The following CADPS2 variants were observed in gnomAD, a reference collection of about 807,000 sequenced individuals.
CADPS2 encodes calcium dependent secretion activator 2, also known as calcium-dependent secretion activator 2.
CADPS2 carries 93 observed loss-of-function variants against 172.5 expected under a neutral mutation model. That is an observed-to-expected ratio of 0.54 (90% CI 0.46 to 0.64). The LOEUF (loss-of-function observed/expected upper bound fraction) is 0.64, where lower values mean the gene tolerates loss of function less well. Ranked by LOEUF, CADPS2 falls within the 30% of genes least tolerant of loss-of-function variation. CADPS2 has a pLI of 0.00. For synonymous variants in CADPS2, 546 were observed against 555.2 expected (o/e 0.98, Z 0.23); for missense variants, 1,420 against 1,565.9 (o/e 0.91, Z 1.57).
chr7:122,499,569 CTT>C (rs2059029390), intron 9 of CADPS2, among the ~76,000 whole-genome samples: 1 of 152,096 alleles, frequency 6.6e-6, no homozygotes, highest in African/African-American at 2.4e-5. Context: ...CAATTTAAAT[CTT>C]TTGATCAATC....
chr7:122,385,578 A>T (rs1325976861), intron 24 of CADPS2, among the ~76,000 whole-genome samples: 1 of 152,076 alleles, frequency 6.6e-6, no homozygotes, highest in Non-Finnish European at 1.5e-5. Flanking sequence ...ACGACAAAAA[A>T]AAAAGTATAC....
chr7:122,348,684 TG>T (rs1345290079), intron 27 of CADPS2, among the ~76,000 whole-genome samples: 2 of 152,178 alleles, frequency 1.3e-5, no homozygotes, highest in Non-Finnish European at 2.9e-5. Flanking sequence ...TCACACCTAG[TG>T]AATACATTTT....
intron 2 of CADPS2, among the ~76,000 whole-genome samples, chr7:122,667,379 C>T (rs2081293705): frequency 1.3e-5 from 2 of 152,084 alleles, no homozygotes; most frequent in African/African-American, 4.8e-5. Flanking sequence ...TAGATTCCAC[C>T]AAGTAACCAA....
chr7:122,814,470 G>C (rs1309896920), intron 1 of CADPS2, among the ~76,000 whole-genome samples: 1 of 151,986 alleles, frequency 6.6e-6, no homozygotes, highest in Non-Finnish European at 1.5e-5. Context: ...TGTCCTGAAA[G>C]CTAAGAATAT....
chr7:122,526,076 T>A (rs2061208412), intron 8 of CADPS2, among the ~76,000 whole-genome samples: 1 of 152,202 alleles, frequency 6.6e-6, no homozygotes, highest in Admixed American at 6.6e-5. Context: ...CTTGCTAAAC[T>A]TTCTCTGATA....
intron 27 of CADPS2, among the ~76,000 whole-genome samples, chr7:122,346,881 T>C (rs576317953): frequency 3.3e-5 from 5 of 151,994 alleles, no homozygotes; most frequent in Admixed American, 1.3e-4. Flanking sequence ...AGCACTTACT[T>C]GTGTCATCTA....
intron 14 of CADPS2, among the ~76,000 whole-genome samples, chr7:122,455,568 T>C (rs538188253): frequency 2.4e-4 from 37 of 152,070 alleles, no homozygotes; most frequent in South Asian, 4.1e-4. Flanking sequence ...TTAATGCATA[T>C]ATGCTGAGGA....
chr7:122,387,034 C>T lies in CADPS2; in HGVS notation c.3304G>A (p.Gly1102Arg). ...QSTKLCALDG[G>R]QEQQYHSKID... ...TGGCACATTCTACATACCTCTTGTC[C>T]TCCATCCAGGGCACAGAGTTTGGTG... Residue 1102 changes from glycine to arginine, a missense_variant, in exon 24 of 30, where the codon GGA becomes AGA. Gly to Arg is a moderately radical substitution (Grantham distance 125). Coordinates refer to ENST00000449022, the MANE Select transcript of CADPS2 (RefSeq NM_017954.11). 6.4e-7 allele frequency: 1 copy of T among 1,556,650 alleles called. No individual in the cohort carries two copies. Among genetic ancestry groups the T allele is most frequent in the Non-Finnish European group, 8.7e-7 (1 of 1,148,778 alleles).
intron 9 of CADPS2, among the ~76,000 whole-genome samples, chr7:122,512,494 T>A (rs1282660347): frequency 1.3e-5 from 2 of 152,236 alleles, no homozygotes; most frequent in African/African-American, 4.8e-5. Flanking sequence ...GTATGTTCTA[T>A]GAGCAAAGTT....
intron 1 of CADPS2, among the ~76,000 whole-genome samples, chr7:122,772,890 T>C (rs531546278): frequency 2.6e-5 from 4 of 152,182 alleles, no homozygotes; most frequent in African/African-American, 9.6e-5. Context: ...AGAAGGACTT[T>C]CCAGGCAAAG....
intron 11 of CADPS2, 111 bp downstream of exon 11, chr7:122,489,970 A>T: frequency 1.1e-6 from 1 of 889,176 alleles, no homozygotes. Context: ...ATTTTCATTT[A>T]ATTAGGAATC....
chr7:122,474,584 T>C, intron 12 of CADPS2, 67 bp from the exon 13 acceptor site: 1 of 1,481,648 alleles, frequency 6.7e-7, no homozygotes, highest in Non-Finnish European at 9.2e-7. Flanking sequence ...ATACAAGTTG[T>C]GAAGAATACA....
intron 12 of CADPS2, among the ~76,000 whole-genome samples, chr7:122,475,094 C>T (rs943173900): frequency 1.3e-5 from 2 of 152,192 alleles, no homozygotes; most frequent in Non-Finnish European, 1.5e-5. Flanking sequence ...CAAAGCTTAA[C>T]GTCCCAAATG....
At chr7:122,332,801 A>C (rs2035204870) in intron 28 of CADPS2, among the ~76,000 whole-genome samples, 1 of 152,162 alleles carries the variant, frequency 6.6e-6, no homozygotes, top group Admixed American at 6.5e-5. Context: ...CTTTCAAAAT[A>C]CCCTTCATTC....
intron 3 of CADPS2, among the ~76,000 whole-genome samples, chr7:122,656,616 T>A (rs1197242297): frequency 1.3e-5 from 2 of 152,076 alleles, no homozygotes; most frequent in East Asian, 3.9e-4. Flanking sequence ...ACACTCCATC[T>A]CTCCAACACT....
chr7:122,780,418 A>G (rs1792379513), intron 1 of CADPS2, among the ~76,000 whole-genome samples: 1 of 152,204 alleles, frequency 6.6e-6, no homozygotes. Context: ...ATAATTTTTA[A>G]TCACAGCTAC....
At chr7:122,834,855 G>C (rs896454047) in intron 1 of CADPS2, among the ~76,000 whole-genome samples, 1 of 152,216 alleles carries the variant, frequency 6.6e-6, no homozygotes, top group African/African-American at 2.4e-5. Context: ...CTCCACCTCT[G>C]GGGGCAGGGC....
chr7:122,577,669 A>G (rs985748079), intron 7 of CADPS2, among the ~76,000 whole-genome samples: 7 of 152,184 alleles, frequency 4.6e-5, no homozygotes, highest in African/African-American at 1.4e-4. Context: ...CCTTTGGTAA[A>G]TATCTAGGAG....
intron 3 of CADPS2, among the ~76,000 whole-genome samples, chr7:122,640,883 G>A (rs996901597): frequency 2.7e-5 from 4 of 150,174 alleles, no homozygotes; most frequent in Non-Finnish European, 3.0e-5. Context: ...GCAGTGAGCC[G>A]AGATCACGCC....
Sources: allele counts gnomAD v4.1 joint callset (sites outside exome capture counted in the v4.1 genomes callset), GRCh38; gene constraint gnomAD v4.1.1; transcripts MANE v1.5; gene names NCBI Gene and HGNC (gene_info 2026-07-23, HGNC 2026-07-21).